NRXN2: variants seen among roughly 807,000 people sequenced by gnomAD.
The protein encoded by NRXN2 is neurexin 2.
A neutral mutation model predicts 128.8 loss-of-function variants in NRXN2; 29 were observed. That is an observed-to-expected ratio of 0.23 (90% CI 0.17 to 0.31). The LOEUF is 0.31. Ranked by LOEUF, NRXN2 falls within the 10% of genes least tolerant of loss-of-function variation. The probability of loss-of-function intolerance (pLI) is 1.00; values close to 1 mark genes in which losing one functional copy is unlikely to be tolerated. For missense variants in NRXN2, 1,881 were observed against 2,452.6 expected (o/e 0.77, Z 4.92); for synonymous variants, 1,098 against 1,075.2 (o/e 1.02, Z -0.41).
In NRXN2 at chr11:64,714,712, G is replaced by A. The variant is rs1480623962; in HGVS notation, c.-244-769C>T. On this transcript the variant is annotated intron_variant, in intron 1 of 22. Transcript: ENST00000265459. This position sits in a 1 kb window ranked among gnomAD's most constrained non-coding sequence, Gnocchi z 4.5. ...AGCCTCAGGACTGGCCCCACTACCT[G>A]GGCTCTCTTTACCCCTCAGTTCCCT... is the stretch of plus-strand genomic sequence containing the variant. Among the ~76,000 whole-genome samples the A allele has an allele frequency of 6.6e-6, 1 of 152,072 alleles. No individual in the cohort carries two copies. Among genetic ancestry groups the A allele is most frequent in the Non-Finnish European group, 1.5e-5 (1 of 68,008 alleles).
At position 64,660,710 on chromosome 11, in the gene NRXN2, A is replaced by G. The variant is rs1245842485; in HGVS notation, c.2185+43T>C. ...GAGTCACCCTGAGAAGGAGGAGCAC[A>G]GGGATAGGGAGCAGGGACACCTAGG... On this transcript the variant is annotated intron_variant, in intron 10 of 22. Coordinates refer to ENST00000265459, the MANE Select transcript of NRXN2 (RefSeq NM_015080.4). This position sits in a 1 kb window ranked among gnomAD's most constrained non-coding sequence, Gnocchi z 5.2. 1 of 1,605,154 alleles carries G rather than the reference A, an allele frequency of 6.2e-7. No individual in the cohort carries two copies. The highest frequency in any genetic ancestry group is 8.5e-7 in the Non-Finnish European group (1 of 1,179,886).
At position 64,677,021 on chromosome 11, in the gene NRXN2, T is replaced by C. The variant is rs1408932933; in HGVS notation, c.1169A>G (p.His390Arg). Residue 390 changes from histidine (H) to arginine (R), a missense_variant, in exon 7 of 23, where the codon CAC becomes CGC. Around this residue, in one of 7 missense-constraint regions of NRXN2, gnomAD observed 997 missense variants for 1,240.8 expected, o/e 0.80. Transcript: ENST00000265459. ...RNLRQHAGIG[H>R]AMVNKLHYLV... ...ATAATGCAGTTTGTTTACCATAGCG[T>C]GTCCAATCCCTGCGTGCTTCACCGG... 3 of 1,558,322 alleles carry C rather than the reference T, an allele frequency of 1.9e-6. No homozygotes were observed. Among genetic ancestry groups the C allele is most frequent in the Non-Finnish European group, 2.6e-6 (3 of 1,149,852 alleles).
chr11:64,648,981 G>A lies in NRXN2; in HGVS notation c.3110-74C>T. ...CCAAGACAATGGCATCTGGCTGTCA[G>A]GTCCTCCCAGCCTTCTCAGGTTCTC... is the stretch of plus-strand genomic sequence containing the variant. On this transcript the variant is annotated intron_variant, in intron 15 of 22. Transcript: ENST00000265459. The surrounding 1 kb of genome is among the most constrained non-coding windows in gnomAD (Gnocchi z 4.1). The A allele has an allele frequency of 6.7e-7, 1 of 1,500,616 alleles. No individual in the cohort carries two copies. Among genetic ancestry groups the A allele is most frequent in the East Asian group, 2.3e-5 (1 of 44,296 alleles). 93.0% of individuals were successfully genotyped at this position (1,500,616 alleles called of 1,614,324 possible).
At chr11:64,704,911 G>C (rs1242311843) in intron 2 of NRXN2, among the ~76,000 whole-genome samples, 1 of 152,204 alleles carries the variant, frequency 6.6e-6, no homozygotes, top group Non-Finnish European at 1.5e-5. Flanking sequence ...AGAGAGGTGT[G>C]TAACACATTG....
At chr11:64,633,156 C>T (rs2044175683) in intron 18 of NRXN2, among the ~76,000 whole-genome samples, 1 of 152,192 alleles carries the variant, frequency 6.6e-6, no homozygotes, top group Admixed American at 6.5e-5. Flanking sequence ...TAGCCTTGCA[C>T]CTTTAAGGCC....
intron 9 of NRXN2, among the ~76,000 whole-genome samples, chr11:64,662,779 C>T (rs1288571464): frequency 6.6e-6 from 1 of 150,584 alleles, no homozygotes; most frequent in Non-Finnish European, 1.5e-5. Flanking sequence ...GAGATTCTGT[C>T]TCAAAAAAAA....
chr11:64,710,073 G>C (rs1304187414), intron 2 of NRXN2, among the ~76,000 whole-genome samples: 1 of 151,832 alleles, frequency 6.6e-6, no homozygotes, highest in African/African-American at 2.4e-5. Flanking sequence ...ATGCCTGGCT[G>C]ATTTTTGTAT....
Position 64,622,864 on chromosome 11 carries a change from G to A in NRXN2, c.4062C>T (p.Ala1354=). 1.2e-6 allele frequency: 2 copies of A among 1,612,798 alleles called. No homozygotes were observed. Among genetic ancestry groups the A allele is most frequent in the South Asian group, 2.2e-5 (2 of 91,016 alleles). The change falls in exon 21 of 23, where the codon GCC becomes GCT. Residue 1354 remains alanine (A), a synonymous_variant. Transcript: ENST00000265459. This position sits in a 1 kb window ranked among gnomAD's most constrained non-coding sequence, Gnocchi z 4.3. ...PSVLLSAETT[A]TTLLADMATT... Reference sequence around the variant, plus strand: ...TGGCCATGTCAGCCAGCAGGGTGGTGGCCGTGGTCTCCGCACTGAGCAGCA... The same window carrying A: ...TGGCCATGTCAGCCAGCAGGGTGGTAGCCGTGGTCTCCGCACTGAGCAGCA...
At chr11:64,671,907 C>T (rs558149155) in intron 7 of NRXN2, among the ~76,000 whole-genome samples, 7 of 152,206 alleles carry the variant, frequency 4.6e-5, no homozygotes, top group South Asian at 4.2e-4. Flanking sequence ...GACACACCTG[C>T]GTACATACCA....
chr11:64,690,381 C>G (rs750767083), intron 5 of NRXN2, 24 bp downstream of exon 5: 1 of 1,606,576 alleles, frequency 6.2e-7, no homozygotes, highest in African/African-American at 1.3e-5. Flanking sequence ...GCTGGGCTCT[C>G]TGGGGACCAT....
intron 17 of NRXN2, among the ~76,000 whole-genome samples, chr11:64,639,733 G>A (rs911354646): frequency 6.6e-6 from 1 of 152,108 alleles, no homozygotes; most frequent in African/African-American, 2.4e-5. Flanking sequence ...GAAGAGAAGA[G>A]AGGAGAGAAG....
Position 64,635,533 on chromosome 11 carries a change from G to A in NRXN2, c.3404-81C>T. 6.8e-7 allele frequency: 1 copy of A among 1,461,292 alleles called. No individual in the cohort carries two copies. 90.5% of individuals were successfully genotyped at this position (1,461,292 alleles called of 1,614,324 possible). On this transcript the variant is annotated intron_variant, in intron 17 of 22. Coordinates refer to ENST00000265459, the MANE Select transcript of NRXN2 (RefSeq NM_015080.4). The surrounding 1 kb of genome is among the most constrained non-coding windows in gnomAD (Gnocchi z 4.8). Reference sequence around the variant, plus strand: ...GCAGGTCCTCAGGGTTGTGACCAGAGGGATGGAACCCCAGGTCTAGATGTG... The same window carrying A: ...GCAGGTCCTCAGGGTTGTGACCAGAAGGATGGAACCCCAGGTCTAGATGTG...
chr11:64,643,970 A>G (rs1023737654), intron 17 of NRXN2, among the ~76,000 whole-genome samples: 5 of 147,740 alleles, frequency 3.4e-5, no homozygotes, highest in Non-Finnish European at 5.9e-5. Flanking sequence ...ACGCACGTGC[A>G]CACTGAGATG....
chr11:64,668,318 T>A (rs770682760), intron 8 of NRXN2, 125 bp downstream of exon 8: 40 of 1,202,404 alleles, frequency 3.3e-5, no homozygotes, highest in Non-Finnish European at 4.6e-5. Context: ...AGAGGGGGTG[T>A]CTCCCACCAT....
intron 11 of NRXN2, among the ~76,000 whole-genome samples, chr11:64,655,667 C>G (rs960673572): frequency 1.3e-5 from 2 of 152,188 alleles, no homozygotes; most frequent in South Asian, 4.1e-4. Flanking sequence ...GGGGGTCCAT[C>G]TGTCCAGAGA....
intron 17 of NRXN2, among the ~76,000 whole-genome samples, chr11:64,641,839 C>A (rs2045713721): frequency 6.6e-6 from 1 of 151,748 alleles, no homozygotes; most frequent in South Asian, 2.1e-4. Flanking sequence ...GAGGTAGAGA[C>A]AGAGCAGAGA....
intron 17 of NRXN2, among the ~76,000 whole-genome samples, chr11:64,643,836 T>A (rs1325430343): frequency 6.6e-6 from 1 of 151,908 alleles, no homozygotes; most frequent in Non-Finnish European, 1.5e-5. Flanking sequence ...TGGAACGGGA[T>A]TGAGGCTAGC....
Position 64,648,375 on chromosome 11 carries a change from G to C in NRXN2, c.3284-37C>G, listed in dbSNP as rs780628019. On this transcript the variant is annotated intron_variant, in intron 16 of 22. Coordinates refer to ENST00000265459, the MANE Select transcript of NRXN2 (RefSeq NM_015080.4). The surrounding 1 kb of genome is among the most constrained non-coding windows in gnomAD (Gnocchi z 4.1). ...AGGAGAAAGGAACACCCCTGGCTCAGCCAAGCCCCCTCTTTCCCCAGGAGG... is the reference window on the plus strand; with the variant it reads ...AGGAGAAAGGAACACCCCTGGCTCACCCAAGCCCCCTCTTTCCCCAGGAGG... The C allele has an allele frequency of 6.2e-6, 10 of 1,613,606 alleles. No homozygotes were observed. The highest frequency in any genetic ancestry group is 1.3e-5 in the African/African-American group (1 of 74,932).
At chr11:64,645,019 A>G (rs1227785396) in intron 17 of NRXN2, among the ~76,000 whole-genome samples, 2 of 152,072 alleles carry the variant, frequency 1.3e-5, no homozygotes, top group Non-Finnish European at 2.9e-5. Context: ...TTTAGAAGTG[A>G]AGAAAGCGGT....
Sources: gnomAD v4.1 joint callset for allele counts (sites outside exome capture counted in the v4.1 genomes callset) on GRCh38, gnomAD v4.1.1 for gene constraint, gnomAD v4.1.1 regional missense constraint, Gnocchi (gnomAD v3.1) non-coding constraint, MANE v1.5 for transcripts, NCBI Gene and HGNC (gene_info 2026-07-23, HGNC 2026-07-21) for gene names.